The following SOS2 variants were observed in gnomAD, a reference collection of about 807,000 sequenced individuals.
SOS2 encodes the protein SOS Ras/Rho guanine nucleotide exchange factor 2, also known as son of sevenless homolog 2.
A neutral mutation model predicts 148.2 loss-of-function variants in SOS2; 65 were observed. That is an observed-to-expected ratio of 0.44 (90% CI 0.36 to 0.54). The LOEUF (loss-of-function observed/expected upper bound fraction) is 0.54, where lower values mean the gene tolerates loss of function less well. SOS2 is among the 20% of genes least tolerant of loss of function. The probability of loss-of-function intolerance (pLI) is 0.00; values close to 1 mark genes in which losing one functional copy is unlikely to be tolerated. For missense variants in SOS2, 1,341 were observed against 1,590.2 expected (o/e 0.84, Z 2.67); for synonymous variants, 539 against 537.1 (o/e 1.00, Z -0.05).
intron 1 of SOS2, among the ~76,000 whole-genome samples, chr14:50,210,552 C>A (rs562930085): frequency 6.6e-6 from 1 of 152,058 alleles, no homozygotes; most frequent in South Asian, 2.1e-4. Context: ...TTATATTAAA[C>A]TTTAAAATTT....
chr14:50,198,315 C>G (rs1036730382), intron 4 of SOS2, among the ~76,000 whole-genome samples: 2 of 148,516 alleles, frequency 1.3e-5, no homozygotes, highest in African/African-American at 5.0e-5. Flanking sequence ...TTTTGTTGTA[C>G]TTCCAACTTT....
At chr14:50,224,387 G>T (rs1040768121) in intron 1 of SOS2, among the ~76,000 whole-genome samples, 1 of 149,464 alleles carries the variant, frequency 6.7e-6, no homozygotes, top group African/African-American at 2.5e-5. Flanking sequence ...GGGCTCTGGG[G>T]AGGTCAGAAG....
intron 6 of SOS2, 134 bp from the exon 7 acceptor site, chr14:50,180,816 T>A: frequency 2.0e-6 from 1 of 509,728 alleles, no homozygotes; most frequent in Non-Finnish European, 3.4e-6. Flanking sequence ...ATATTCCAGC[T>A]CGAGCAACAG....
chr14:50,150,120 G>A lies in SOS2; in HGVS notation c.2272C>T (p.Pro758Ser). Residue 758 changes from proline (P) to serine (S), a missense_variant, in exon 14 of 23, where the codon CCA becomes TCA. By Grantham distance (74) the Pro-to-Ser change is moderately conservative. Coordinates refer to ENST00000216373, the MANE Select transcript of SOS2 (RefSeq NM_006939.4). ...HNITFESPPP[P>S]IEWHISKPGQ... is the part of the protein sequence containing the mutation. The stretch of plus-strand genomic sequence containing the variant: ...GGTTTGCTGATATGCCATTCAATTG[G>A]TGGAGGTGGACTTTCAAAGGTAATA... 6.2e-7 allele frequency: 1 copy of A among 1,612,994 alleles called. No homozygotes were observed. Among genetic ancestry groups the A allele is most frequent in the Non-Finnish European group, 8.5e-7 (1 of 1,178,968 alleles).
intron 1 of SOS2, among the ~76,000 whole-genome samples, chr14:50,210,869 T>G (rs571174462): frequency 5.3e-5 from 8 of 152,246 alleles, no homozygotes; most frequent in African/African-American, 1.9e-4. Flanking sequence ...GCAGCAAAAC[T>G]AAAAATTCTG....
chr14:50,178,264 G>T (rs148983272), intron 7 of SOS2, among the ~76,000 whole-genome samples: 3 of 152,180 alleles, frequency 2.0e-5, no homozygotes, highest in African/African-American at 7.2e-5. Context: ...GTTCTCAGGA[G>T]ATCTAGTTGT....
intron 4 of SOS2, among the ~76,000 whole-genome samples, chr14:50,191,815 T>C (rs563393486): frequency 6.6e-6 from 1 of 152,280 alleles, no homozygotes; most frequent in South Asian, 2.1e-4. Flanking sequence ...TTTACATTTT[T>C]ATGTAAAATT....
chr14:50,222,587 A>G (rs1208179958), intron 1 of SOS2, among the ~76,000 whole-genome samples: 3 of 152,232 alleles, frequency 2.0e-5, no homozygotes. Context: ...AAAGGAGGTA[A>G]AAGGGCCAGC....
chr14:50,141,948 A>T (rs1263476635), intron 16 of SOS2, among the ~76,000 whole-genome samples: 1 of 152,170 alleles, frequency 6.6e-6, no homozygotes, highest in East Asian at 1.9e-4. Context: ...AGAGAGACCA[A>T]CAAAAGGCCT....
At chr14:50,199,337 T>C (rs1248646059) in intron 4 of SOS2, among the ~76,000 whole-genome samples, 1 of 152,210 alleles carries the variant, frequency 6.6e-6, no homozygotes, top group African/African-American at 2.4e-5. Flanking sequence ...CACTAAGCTA[T>C]GCTGTGAAAC....
chr14:50,211,365 G>C (rs866012782), intron 1 of SOS2, among the ~76,000 whole-genome samples: 12 of 152,196 alleles, frequency 7.9e-5, no homozygotes, highest in South Asian at 6.2e-4. Flanking sequence ...GGGGGTATAT[G>C]TGCAGATTTT....
At position 50,195,170 on chromosome 14, in the gene SOS2, C is replaced by T. The variant is rs74050723; in HGVS notation, c.510+4521G>A. On this transcript the variant is annotated intron_variant, in intron 4 of 22. Transcript: ENST00000216373. ...ATGGTACTTCATGTGGAACAGTCCTCGGGAGTTTAGAAATCTGCAGACTCA... is the reference window on the plus strand; with the variant it reads ...ATGGTACTTCATGTGGAACAGTCCTTGGGAGTTTAGAAATCTGCAGACTCA... 5.1e-3 allele frequency among the ~76,000 whole-genome samples: 769 copies of T among 152,158 alleles called. 5 individuals carry two copies. Among genetic ancestry groups the T allele is most frequent in the African/African-American group, 0.017 (685 of 41,494 alleles).
At chr14:50,185,418 G>A (rs1382003485) in intron 5 of SOS2, among the ~76,000 whole-genome samples, 2 of 152,098 alleles carry the variant, frequency 1.3e-5, no homozygotes, top group African/African-American at 4.8e-5. Context: ...GGGGTCAGGC[G>A]CGGTGGCTCA....
At chr14:50,150,397 G>A (rs1884622972) in intron 13 of SOS2, among the ~76,000 whole-genome samples, 167 bp from the exon 14 acceptor site, 3 of 151,936 alleles carry the variant, frequency 2.0e-5, no homozygotes. Context: ...AGGTTATTCT[G>A]AAACAAATCC....
intron 1 of SOS2, among the ~76,000 whole-genome samples, chr14:50,206,018 T>A (rs1886649080): frequency 6.6e-6 from 1 of 152,062 alleles, no homozygotes. Flanking sequence ...TAGTTATTTG[T>A]GTATTCGTTC....
intron 1 of SOS2, among the ~76,000 whole-genome samples, chr14:50,224,666 C>T (rs573641443): frequency 1.3e-5 from 2 of 152,144 alleles, no homozygotes; most frequent in South Asian, 4.1e-4. Context: ...TGGAGGATCA[C>T]TTGAGTCCAG....
rs1405961595 is a variant in SOS2, at chr14:50,231,302, TCC to T, written c.-21_-20del. The T allele has an allele frequency of 7.2e-7, 1 of 1,380,260 alleles. No homozygotes were observed. The highest frequency in any genetic ancestry group is 9.6e-7 in the Non-Finnish European group (1 of 1,042,388). 85.5% of individuals were successfully genotyped at this position (1,380,260 alleles called of 1,614,324 possible). Reference sequence around the variant, plus strand: ...GCTGCATGGCCCCGGCGACAGCGCCTCCGCATCGGGGGCAGCCCGCGGGCCGG... The same window carrying T: ...GCTGCATGGCCCCGGCGACAGCGCCTGCATCGGGGGCAGCCCGCGGGCCGG... On this transcript the variant is annotated 5_prime_UTR_variant, in exon 1 of 23. Coordinates refer to ENST00000216373, the MANE Select transcript of SOS2 (RefSeq NM_006939.4).
intron 1 of SOS2, among the ~76,000 whole-genome samples, chr14:50,225,636 G>A (rs191354860): frequency 1.2e-4 from 19 of 152,240 alleles, no homozygotes; most frequent in Admixed American, 1.0e-3. Context: ...TTATTAGTTT[G>A]GAATAATTCC....
intron 5 of SOS2, among the ~76,000 whole-genome samples, chr14:50,183,345 G>A (rs1175813780): frequency 1.3e-5 from 2 of 151,788 alleles, no homozygotes; most frequent in African/African-American, 2.4e-5. Context: ...AACTTGGGTT[G>A]GAGAGGTCAA....
Sources: allele counts gnomAD v4.1 joint callset (sites outside exome capture counted in the v4.1 genomes callset), GRCh38; gene constraint gnomAD v4.1.1; transcripts MANE v1.5; gene names NCBI Gene and HGNC (gene_info 2026-07-23, HGNC 2026-07-21).